The following TLK2 variants were observed in gnomAD, a reference collection of about 807,000 sequenced individuals.
The protein encoded by TLK2 is serine/threonine-protein kinase tousled-like 2.
In TLK2, 6 loss-of-function variants were observed where a neutral mutation model predicts 117.3. The ratio of observed to expected loss-of-function variants is 0.05; its 90% CI spans 0.03 to 0.10. The LOEUF is 0.10. TLK2 is among the 10% of genes least tolerant of loss of function. The probability of loss-of-function intolerance (pLI) is 1.00; values close to 1 mark genes in which losing one functional copy is unlikely to be tolerated. For synonymous variants in TLK2, 257 were observed against 316.7 expected (o/e 0.81, Z 2.00); for missense variants, 299 against 901.2 (o/e 0.33, Z 8.56).
At chr17:62,602,300 C>G in intron 19 of TLK2, 120 bp downstream of exon 19, 5 of 945,214 alleles carry the variant, frequency 5.3e-6, no homozygotes, top group Non-Finnish European at 7.6e-6. Flanking sequence ...TAAACCAAAG[C>G]AGACTTTCTC....
chr17:62,471,289 G>T (rs2070935262), intron 1 of TLK2, among the ~76,000 whole-genome samples: 1 of 152,164 alleles, frequency 6.6e-6, no homozygotes, highest in African/African-American at 2.4e-5. Flanking sequence ...GCATAGTGCT[G>T]AGCACAGGTA....
At chr17:62,572,281 A>G (rs1256188324) in intron 11 of TLK2, among the ~76,000 whole-genome samples, 1 of 152,140 alleles carries the variant, frequency 6.6e-6, no homozygotes, top group Non-Finnish European at 1.5e-5. Flanking sequence ...GAAGGGAGCT[A>G]TCATTTGATT....
rs568387304 is a variant in TLK2, at chr17:62,576,795, C to T, written c.1188+20C>T. On this transcript the variant is annotated intron_variant, in intron 13 of 21. Transcript: ENST00000346027. ...AAAAAGGTAAGTATAATGAGAAAAT[C>T]TCCCTGGAGAAATGTGATACCTAGT... The T allele has an allele frequency of 1.9e-6, 3 of 1,585,584 alleles. No individual in the cohort carries two copies. Among genetic ancestry groups the T allele is most frequent in the Non-Finnish European group, 2.6e-6 (3 of 1,155,994 alleles).
chr17:62,550,389 T>A (rs1474352916), intron 7 of TLK2: 1 of 152,254 alleles, frequency 6.6e-6, no homozygotes, highest in Admixed American at 6.5e-5. Context: ...GTATTTATTA[T>A]ATGATTGTTT....
intron 2 of TLK2, chr17:62,516,459 C>T (rs12948964): frequency 6.3e-7 from 1 of 1,598,458 alleles, no homozygotes; most frequent in Non-Finnish European, 8.5e-7. Flanking sequence ...TAGGCCGAGG[C>T]CTGCCAGTCT....
chr17:62,589,868 G>A (rs1332265567), intron 16 of TLK2, among the ~76,000 whole-genome samples: 3 of 151,834 alleles, frequency 2.0e-5, no homozygotes, highest in East Asian at 2.0e-4. Context: ...GTGCAGTGGC[G>A]CGATCTCCAC....
intron 2 of TLK2, among the ~76,000 whole-genome samples, chr17:62,485,816 GTT>G (rs879159414): frequency 3.3e-5 from 4 of 122,554 alleles, no homozygotes; most frequent in Admixed American, 8.5e-5. Context: ...TAATTTTCTG[GTT>G]TTTTTTTTTT....
intron 16 of TLK2, among the ~76,000 whole-genome samples, chr17:62,590,954 A>C (rs1282570605): frequency 2.0e-5 from 3 of 152,218 alleles, no homozygotes; most frequent in African/African-American, 7.2e-5. Context: ...TTGTATGATT[A>C]CTAATAGAAA....
upstream of TLK2, among the ~76,000 whole-genome samples, chr17:62,475,445 C>T (rs562534212): frequency 1.7e-4 from 26 of 152,228 alleles, no homozygotes; most frequent in South Asian, 5.4e-3. Context: ...CAGGTTCAAG[C>T]GATTCTCCTG....
intron 2 of TLK2, among the ~76,000 whole-genome samples, chr17:62,486,743 C>T (rs1321270326): frequency 6.6e-6 from 1 of 152,186 alleles, no homozygotes; most frequent in Non-Finnish European, 1.5e-5. Flanking sequence ...GTGCCAGGTA[C>T]TGTTCCAACA....
chr17:62,588,410 A>G (rs1470166348), intron 16 of TLK2, among the ~76,000 whole-genome samples: 1 of 152,188 alleles, frequency 6.6e-6, no homozygotes, highest in Admixed American at 6.5e-5. Context: ...GTTTTCTCAC[A>G]TATGTCTCTA....
intron 12 of TLK2, 147 bp from the exon 13 acceptor site, chr17:62,576,562 T>C: frequency 3.2e-6 from 2 of 616,278 alleles, no homozygotes; most frequent in Non-Finnish European, 5.8e-6. Context: ...TTTTCTCTTG[T>C]CAGAGGACTA....
intron 2 of TLK2, among the ~76,000 whole-genome samples, chr17:62,497,190 G>A (rs1434212815): frequency 1.3e-5 from 2 of 152,014 alleles, no homozygotes; most frequent in Non-Finnish European, 2.9e-5. Context: ...CCTGAGTCTT[G>A]GAGGTCGAGG....
rs139360269 is a variant in TLK2 at position 62,582,529 on chromosome 17, G to A, written c.1368+2337G>A. Among the ~76,000 whole-genome samples the A allele has an allele frequency of 6.6e-3, 1,001 of 152,028 alleles. 2 individuals are homozygous for A. The highest frequency in any genetic ancestry group is 0.016 in the South Asian group (75 of 4,814). On this transcript the variant is annotated intron_variant, in intron 15 of 21. Coordinates refer to ENST00000346027, the MANE Select transcript of TLK2 (RefSeq NM_006852.6). Reference sequence around the variant, plus strand: ...CTTTTTTGTTGATCAAAACTATTTGGTTAGTTTTCTATTTCATTAATGTCT... The same window carrying A: ...CTTTTTTGTTGATCAAAACTATTTGATTAGTTTTCTATTTCATTAATGTCT...
At chr17:62,590,116 GA>G (rs1229679885) in intron 16 of TLK2, among the ~76,000 whole-genome samples, 5 of 131,572 alleles carry the variant, frequency 3.8e-5, no homozygotes, top group Middle Eastern at 3.8e-3. Flanking sequence ...CTTTAACCTT[GA>G]AAAAAAAAAC....
At chr17:62,512,484 A>C (rs1389590729) in intron 2 of TLK2, among the ~76,000 whole-genome samples, 1 of 151,784 alleles carries the variant, frequency 6.6e-6, no homozygotes, top group East Asian at 1.9e-4. Context: ...CAGCCTCCCA[A>C]AGTGCTGGTG....
intron 2 of TLK2, among the ~76,000 whole-genome samples, chr17:62,509,187 C>CA (rs1335978321): frequency 1.3e-5 from 2 of 152,126 alleles, no homozygotes; most frequent in Admixed American, 6.6e-5. Context: ...CTCCTGGGCT[C>CA]AGGCAGTTCC....
At chr17:62,483,632 G>T (rs1359485864) in intron 2 of TLK2, among the ~76,000 whole-genome samples, 2 of 151,490 alleles carry the variant, frequency 1.3e-5, no homozygotes, top group African/African-American at 4.8e-5. Context: ...CCTATAGATA[G>T]CTGGGATTAC....
intron 6 of TLK2, among the ~76,000 whole-genome samples, chr17:62,530,085 C>T (rs931202051): frequency 6.6e-6 from 1 of 151,942 alleles, no homozygotes; most frequent in African/African-American, 2.4e-5. Flanking sequence ...CCAGCCTGGC[C>T]AATGTGGTGA....
Sources: allele counts gnomAD v4.1 joint callset (sites outside exome capture counted in the v4.1 genomes callset), GRCh38; gene constraint gnomAD v4.1.1; transcripts MANE v1.5; gene names NCBI Gene and HGNC (gene_info 2026-07-23, HGNC 2026-07-21).